Variants in CWC22 observed in about 807,000 individuals in gnomAD.
CWC22 encodes the protein CWC22 spliceosome associated protein, also known as pre-mRNA-splicing factor CWC22 homolog.
In CWC22, 53 loss-of-function variants were observed where a neutral mutation model predicts 117.2. That is an observed-to-expected ratio of 0.45 (90% CI 0.36 to 0.57). CWC22 has a LOEUF of 0.57. CWC22 is among the 20% of genes least tolerant of loss of function. CWC22 has a pLI of 0.00. For synonymous variants in CWC22, 360 were observed against 355.6 expected, an observed-to-expected ratio of 1.01 and a Z score of -0.14; for missense variants, 980 against 1,068.8, an observed-to-expected ratio of 0.92 and a Z score of 1.16.
At chr2:180,005,533 G>A (rs948214620) in intron 1 of CWC22, among the ~76,000 whole-genome samples, 2 of 152,044 alleles carry the variant, frequency 1.3e-5, no homozygotes, top group Admixed American at 1.3e-4. Context: ...CCGAGATAGC[G>A]CCACAGCACT....
intron 5 of CWC22, among the ~76,000 whole-genome samples, chr2:179,978,718 T>C (rs1687213512): frequency 1.3e-5 from 2 of 152,068 alleles, no homozygotes; most frequent in African/African-American, 2.4e-5. Context: ...AATGGTAACA[T>C]GAAATACCCA....
intron 6 of CWC22, 111 bp downstream of exon 6, chr2:179,978,079 T>C (rs985911181): frequency 8.5e-7 from 1 of 1,181,400 alleles, no homozygotes; most frequent in African/African-American, 1.6e-5. Flanking sequence ...ATATTCTCAA[T>C]GACCTTTGAA....
Position 179,950,308 on chromosome 2 carries a change from G to T in CWC22, c.2140+204C>A, listed in dbSNP as rs886684000. ...AATGAAATATTTTCATTTCTATGAT[G>T]AGGATGTCAAAAGGTAATCCCAGCA... On this transcript the variant is annotated intron_variant, in intron 19 of 19. Transcript: ENST00000410053. Among the ~76,000 whole-genome samples the T allele has an allele frequency of 3.3e-5, 5 of 152,148 alleles. No homozygotes were observed. In the East Asian group the frequency reaches 5.8e-4, roughly 18 times the overall value.
chr2:179,946,475 G>GGA (rs56299035), intron 19 of CWC22, among the ~76,000 whole-genome samples: 1 of 102,378 alleles, frequency 9.8e-6, no homozygotes, highest in Non-Finnish European at 2.0e-5. Flanking sequence ...GGGGGGGGGG[G>GGA]AAGGGGAGGG....
At chr2:179,988,880 CT>C (rs938905919) in intron 2 of CWC22, among the ~76,000 whole-genome samples, 1 of 150,626 alleles carries the variant, frequency 6.6e-6, no homozygotes, top group Non-Finnish European at 1.5e-5. Context: ...CCAAAAACTT[CT>C]TTTTTTTTCT....
rs767559016 is a variant in CWC22 at position 179,973,175 on chromosome 2, T to C, written c.804+18A>G. On this transcript the variant is annotated intron_variant, in intron 8 of 19. Coordinates refer to ENST00000410053, the MANE Select transcript of CWC22 (RefSeq NM_020943.3). ...TAATGCCACTGAATGGGACCAAGTA[T>C]TGAAGATAATTACTTACCACATTTT... The C allele has an allele frequency of 1.3e-6, 2 of 1,566,588 alleles. No individual in the cohort carries two copies. The highest frequency in any genetic ancestry group is 1.7e-6 in the Non-Finnish European group (2 of 1,146,364).
rs558319959 is a variant in CWC22, at chr2:179,997,405, C to T, written c.-113-3951G>A. Among the ~76,000 whole-genome samples the T allele has an allele frequency of 5.3e-5, 8 of 152,176 alleles. No individual in the cohort carries two copies. In the East Asian group the frequency reaches 1.2e-3, roughly 22 times the overall value. ...AAAATATTTAAAACAGAGGCTACCC[C>T]CTCCCTCACCTGAGGATGAGAGCCC... On this transcript the variant is annotated intron_variant, in intron 1 of 19. Transcript: ENST00000410053.
rs201761149 is a variant in CWC22, at chr2:179,950,699, T to G, written c.1953A>C (p.Pro651=). Residue 651 remains proline, a synonymous_variant, in exon 19 of 20, where the codon CCA becomes CCC. Transcript: ENST00000410053. ...DELREHLKNT[P]KVIVAQKPDV... ...CTGGTTTCTGCGCCACAATGACCTT[T>G]GGTGTATTTTTGAGATGCTCCCGCA... The G allele has an allele frequency of 3.1e-5, 50 of 1,613,664 alleles. No individual in the cohort carries two copies. Among genetic ancestry groups the G allele is most frequent in the Non-Finnish European group, 4.2e-5 (50 of 1,179,618 alleles).
chr2:179,997,678 G>C (rs531962867), intron 1 of CWC22, among the ~76,000 whole-genome samples: 5 of 152,216 alleles, frequency 3.3e-5, no homozygotes, highest in African/African-American at 9.6e-5. Flanking sequence ...TTTAAACCCA[G>C]TGTTATTTAT....
intron 6 of CWC22, among the ~76,000 whole-genome samples, chr2:179,977,424 G>A (rs2105535653): frequency 6.6e-6 from 1 of 152,260 alleles, no homozygotes; most frequent in Non-Finnish European, 1.5e-5. Context: ...GGAAAACACA[G>A]GTGAACTTGG....
chr2:179,978,126 G>A (rs915340563), intron 6 of CWC22, 64 bp downstream of exon 6: 9 of 1,366,928 alleles, frequency 6.6e-6, no homozygotes, highest in Non-Finnish European at 7.6e-6. Context: ...TATTGTTCAT[G>A]TAGATATTAT....
intron 1 of CWC22, among the ~76,000 whole-genome samples, chr2:179,996,068 G>C (rs1687690145): frequency 6.6e-6 from 1 of 152,204 alleles, no homozygotes; most frequent in Non-Finnish European, 1.5e-5. Flanking sequence ...CAAGAGACTA[G>C]AGTTTGCAAT....
chr2:179,979,957 A>G (rs1392852324), intron 5 of CWC22, among the ~76,000 whole-genome samples: 1 of 152,212 alleles, frequency 6.6e-6, no homozygotes, highest in Non-Finnish European at 1.5e-5. Flanking sequence ...ACAGATGTCT[A>G]CTTCTCCTTG....
intron 13 of CWC22, among the ~76,000 whole-genome samples, chr2:179,962,768 A>C (rs1686787049): frequency 6.6e-6 from 1 of 152,266 alleles, no homozygotes; most frequent in East Asian, 1.9e-4. Flanking sequence ...ATTACGTAGC[A>C]GGGTGGCTAT....
intron 13 of CWC22, among the ~76,000 whole-genome samples, chr2:179,960,321 T>C (rs185066175): frequency 5.9e-5 from 9 of 152,082 alleles, no homozygotes; most frequent in African/African-American, 2.2e-4. Context: ...TAAAGAGACA[T>C]AGCTGTTCTG....
At chr2:179,958,482 T>A (rs887625296) in intron 14 of CWC22, among the ~76,000 whole-genome samples, 1 of 152,074 alleles carries the variant, frequency 6.6e-6, no homozygotes, top group African/African-American at 2.4e-5. Context: ...ACAGGCTGCA[T>A]GCAGTCCAGG....
intron 8 of CWC22, among the ~76,000 whole-genome samples, chr2:179,972,580 T>C (rs1360864999): frequency 3.3e-5 from 5 of 152,196 alleles, no homozygotes; most frequent in East Asian, 1.9e-4. Context: ...ACCAACTTTA[T>C]TGTTTTATAA....
intron 1 of CWC22, among the ~76,000 whole-genome samples, chr2:180,003,407 T>C (rs1687892498): frequency 6.6e-6 from 1 of 152,188 alleles, no homozygotes. Context: ...AACCACTCTC[T>C]CCTGTCCCAA....
At position 180,003,915 on chromosome 2, in the gene CWC22, A is replaced by C. The variant is rs114332946; in HGVS notation, c.-114+2952T>G. Reference sequence around the variant, plus strand: ...AAAGGCTAGCTATAATCCATGCTTAAAGTTTGTACTTTGTTGTAGGTATTC... The same window carrying C: ...AAAGGCTAGCTATAATCCATGCTTACAGTTTGTACTTTGTTGTAGGTATTC... On this transcript the variant is annotated intron_variant, in intron 1 of 19. Transcript: ENST00000410053. Among the ~76,000 whole-genome samples, 1,338 of 152,312 alleles carry C rather than the reference A, an allele frequency of 8.8e-3. 11 individuals carry two copies. Among genetic ancestry groups the C allele is most frequent in the Non-Finnish European group, 0.012 (837 of 68,032 alleles).
Sources: allele counts gnomAD v4.1 joint callset (sites outside exome capture counted in the v4.1 genomes callset), GRCh38; gene constraint gnomAD v4.1.1; transcripts MANE v1.5; gene names NCBI Gene and HGNC (gene_info 2026-07-23, HGNC 2026-07-21).